Variants in AHR observed in about 807,000 individuals in gnomAD.
AHR encodes the protein aryl hydrocarbon receptor.
AHR carries 40 observed loss-of-function variants against 86.8 expected under a neutral mutation model. That is an observed-to-expected ratio of 0.46 (90% CI 0.36 to 0.60). AHR has a LOEUF of 0.60. AHR is among the 20% of genes least tolerant of loss of function. AHR has a pLI of 0.00. For missense variants in AHR, 1,001 were observed against 1,011.6 expected, an observed-to-expected ratio of 0.99 and a Z score of 0.14; for synonymous variants, 398 against 354.9, an observed-to-expected ratio of 1.12 and a Z score of -1.37.
rs200531112 is a variant in AHR, at chr7:17,330,934, A to G, written c.705+48A>G. 4 of 1,576,538 alleles carry G rather than the reference A, an allele frequency of 2.5e-6. No homozygotes were observed. The African/African-American group carries it at 4.1e-5, about 16-fold the overall frequency. On this transcript the variant is annotated intron_variant, in intron 6 of 10. Transcript: ENST00000242057. ...ACTGGCTTTTACTATTGTTACAATA[A>G]AAGCTTGAGGCAAATTTAATTTAGC...
At chr7:17,335,874 T>G in intron 9 of AHR, 88 bp downstream of exon 9, 1 of 1,350,912 alleles carries the variant, frequency 7.4e-7, no homozygotes, top group Non-Finnish European at 1.0e-6. Flanking sequence ...AAGCAGACTT[T>G]AGTCTGTAAA....
intron 2 of AHR, among the ~76,000 whole-genome samples, chr7:17,314,224 G>C (rs1349449715): frequency 6.6e-6 from 1 of 152,056 alleles, no homozygotes. Flanking sequence ...CTGTCATAGG[G>C]AATAGTAGTA....
intron 2 of AHR, among the ~76,000 whole-genome samples, chr7:17,321,314 T>C (rs1206061515): frequency 6.6e-6 from 1 of 152,000 alleles, no homozygotes; most frequent in Non-Finnish European, 1.5e-5. Flanking sequence ...AAACTTTACA[T>C]ATATTCTCAT....
chr7:17,308,445 T>C (rs899449390), intron 1 of AHR, among the ~76,000 whole-genome samples: 10 of 152,172 alleles, frequency 6.6e-5, no homozygotes, highest in African/African-American at 2.4e-4. Flanking sequence ...CAGGATGTGA[T>C]GGATATAAAT....
At chr7:17,312,207 G>A (rs898666067) in intron 2 of AHR, among the ~76,000 whole-genome samples, 2 of 152,212 alleles carry the variant, frequency 1.3e-5, no homozygotes, top group African/African-American at 4.8e-5. Context: ...CAGATTCTGT[G>A]ATGTGTAAGA....
intron 2 of AHR, among the ~76,000 whole-genome samples, chr7:17,316,408 C>G (rs1782115536): frequency 6.6e-6 from 1 of 152,114 alleles, no homozygotes; most frequent in South Asian, 2.1e-4. Flanking sequence ...TGCTTGAAAG[C>G]AGGAGTTCGA....
At chr7:17,318,971 C>G (rs1424026054) in intron 2 of AHR, among the ~76,000 whole-genome samples, 6 of 152,030 alleles carry the variant, frequency 3.9e-5, no homozygotes, top group Non-Finnish European at 5.9e-5. Flanking sequence ...GTTGAGTAGG[C>G]TGAGGAAGGG....
chr7:17,334,248 T>C (rs547764617), intron 7 of AHR, 134 bp downstream of exon 7: 17 of 769,292 alleles, frequency 2.2e-5, no homozygotes, highest in Non-Finnish European at 3.0e-5. Flanking sequence ...ATTCTTCCAG[T>C]GTAGCCTTTT....
chr7:17,299,790 G>T (rs769160728), intron 1 of AHR, among the ~76,000 whole-genome samples: 17 of 152,242 alleles, frequency 1.1e-4, no homozygotes, highest in Non-Finnish European at 2.1e-4. Context: ...AACACATGCT[G>T]ACTTTTACGA....
Position 17,299,225 on chromosome 7 carries a change from C to T in AHR, c.-40C>T. 1.2e-6 allele frequency: 2 copies of T among 1,602,604 alleles called. No homozygotes were observed. Among genetic ancestry groups the T allele is most frequent in the South Asian group, 2.2e-5 (2 of 89,954 alleles). On this transcript the variant is annotated 5_prime_UTR_variant, in exon 1 of 11. Transcript: ENST00000242057. ...ACACCGGGTTCCGGGGACCCGGCCGCCAGTGCCCGGGGAGTAGCCGCCGCC... is the reference window on the plus strand; with the variant it reads ...ACACCGGGTTCCGGGGACCCGGCCGTCAGTGCCCGGGGAGTAGCCGCCGCC...
intron 10 of AHR, among the ~76,000 whole-genome samples, chr7:17,342,014 A>G (rs1782431368): frequency 1.3e-5 from 2 of 152,138 alleles, no homozygotes. Context: ...TTGAAGATAC[A>G]GGTTATATGA....
intron 2 of AHR, among the ~76,000 whole-genome samples, chr7:17,316,770 C>T (rs943267998): frequency 2.0e-5 from 3 of 151,908 alleles, no homozygotes; most frequent in Non-Finnish European, 2.9e-5. Flanking sequence ...TTTTTTTTAT[C>T]GTGTCTAATT....
chr7:17,312,775 G>A lies in AHR; in HGVS notation c.253+2652G>A, dbSNP rs10486083. Among the ~76,000 whole-genome samples the A allele has an allele frequency of 4.0e-4, 61 of 152,106 alleles. No homozygotes were observed. The East Asian group carries it at 5.6e-3, about 14-fold the overall frequency. On this transcript the variant is annotated intron_variant, in intron 2 of 10. Coordinates refer to ENST00000242057, the MANE Select transcript of AHR (RefSeq NM_001621.5). Reference sequence around the variant, plus strand: ...CAACTACATTATCATTATCTTTAACGTTAGATTCTTTTCAAACTGCATTGT... The same window carrying A: ...CAACTACATTATCATTATCTTTAACATTAGATTCTTTTCAAACTGCATTGT...
In AHR at chr7:17,312,378, T is replaced by C. The variant is rs1208819596; in HGVS notation, c.253+2255T>C. Among the ~76,000 whole-genome samples the C allele has an allele frequency of 2.6e-5, 4 of 152,212 alleles. No individual in the cohort carries two copies. In the South Asian group the frequency reaches 6.2e-4, roughly 24 times the overall value. On this transcript the variant is annotated intron_variant, in intron 2 of 10. Transcript: ENST00000242057. ...ATATGTTAAAAAGAAAAAAAAAGTA[T>C]AGGTTTTTCCTCTGTTTAGAAGTAG...
intron 2 of AHR, among the ~76,000 whole-genome samples, chr7:17,314,470 T>C (rs1030980094): frequency 6.6e-6 from 1 of 152,082 alleles, no homozygotes; most frequent in African/African-American, 2.4e-5. Context: ...TTATTTTAAA[T>C]TAAAAATTAC....
At chr7:17,327,619 G>A (rs1045249404) in intron 3 of AHR, 140 bp from the exon 4 acceptor site, 2 of 378,484 alleles carry the variant, frequency 5.3e-6, no homozygotes, top group African/African-American at 4.2e-5. Context: ...GTCCAGGAGT[G>A]TATGTTTTGG....
chr7:17,322,597 T>A lies in AHR; in HGVS notation c.350T>A (p.Phe117Tyr), dbSNP rs768620242. The A allele has an allele frequency of 6.9e-6, 11 of 1,602,156 alleles. No individual in the cohort carries two copies. In the Middle Eastern group the frequency reaches 5.0e-4, roughly 73 times the overall value. The change falls in exon 3 of 11, where the codon TTC becomes TAC. Residue 117 changes from phenylalanine to tyrosine, a missense_variant. This residue lies in a region of AHR where 394 missense variants were observed against 468.5 expected (regional missense o/e 0.84). Coordinates refer to ENST00000242057, the MANE Select transcript of AHR (RefSeq NM_001621.5). ...GGCCTGAACTTACAAGAAGGAGAAT[T>A]CTTATTACAGGTAAATTTTAGTAAA... Reference protein sequence around the residue: ...REGLNLQEGEFLLQALNGFVL... With the variant: ...REGLNLQEGEYLLQALNGFVL...
At chr7:17,329,545 G>A (rs975268369) in intron 4 of AHR, among the ~76,000 whole-genome samples, 2 of 151,878 alleles carry the variant, frequency 1.3e-5, no homozygotes, top group Non-Finnish European at 2.9e-5. Flanking sequence ...AACAGTGAAG[G>A]AAATACATAA....
chr7:17,300,310 T>G lies in AHR; in HGVS notation c.65+981T>G, dbSNP rs187805711. Among the ~76,000 whole-genome samples, 1,003 of 152,308 alleles carry G rather than the reference T, an allele frequency of 6.6e-3. 7 individuals carry two copies. Among genetic ancestry groups the G allele is most frequent in the South Asian group, 0.022 (108 of 4,828 alleles). ...TTTATTTCTAGATCTCTGAGTTACTTTACCTACATGTGTTTCAAGTTTTCG... is the reference window on the plus strand; with the variant it reads ...TTTATTTCTAGATCTCTGAGTTACTGTACCTACATGTGTTTCAAGTTTTCG... On this transcript the variant is annotated intron_variant, in intron 1 of 10. Transcript: ENST00000242057.
Sources: gnomAD v4.1 joint callset for allele counts (sites outside exome capture counted in the v4.1 genomes callset) on GRCh38, gnomAD v4.1.1 for gene constraint, gnomAD v4.1.1 regional missense constraint, MANE v1.5 for transcripts, NCBI Gene and HGNC (gene_info 2026-07-23, HGNC 2026-07-21) for gene names.